Variants in ELAC2 observed in about 807,000 individuals in gnomAD.
ELAC2 encodes zinc phosphodiesterase ELAC protein 2.
ELAC2 carries 92 observed loss-of-function variants against 105.2 expected under a neutral mutation model. That is an observed-to-expected ratio of 0.87 (90% CI 0.74 to 1.04). ELAC2 has a LOEUF of 1.04. Among genes scored for constraint, ELAC2 ranks in the 50% least tolerant of loss-of-function variants. The pLI is 0.00. For synonymous variants in ELAC2, 468 were observed against 409.1 expected (o/e 1.14, Z -1.74); for missense variants, 1,099 against 1,071.7 (o/e 1.03, Z -0.36).
rs1240800604 is a variant in ELAC2, at chr17:12,995,064, T to C, written c.1809-2A>G. The C allele has an allele frequency of 2.5e-6, 4 of 1,613,934 alleles. No homozygotes were observed. Among genetic ancestry groups the C allele is most frequent in the Non-Finnish European group, 3.4e-6 (4 of 1,179,832 alleles). ...TGAAGGCATTTGGCAGGAATCATACTGTAAAAAGACAAAACATTTAAAATG... is the reference window on the plus strand; with the variant it reads ...TGAAGGCATTTGGCAGGAATCATACCGTAAAAAGACAAAACATTTAAAATG... On this transcript the variant is annotated splice_acceptor_variant, in intron 19 of 23. Coordinates refer to ENST00000338034, the MANE Select transcript of ELAC2 (RefSeq NM_018127.7). LOFTEE classifies it high-confidence loss of function.
rs73300506 is a variant in ELAC2 at position 13,010,114 on chromosome 17, C to T, written c.738+499G>A. 5.3e-3 allele frequency among the ~76,000 whole-genome samples: 812 copies of T among 151,840 alleles called. 7 individuals are homozygous for T. Among genetic ancestry groups the T allele is most frequent in the African/African-American group, 0.018 (757 of 41,410 alleles). ...AAACTCTGAAACCTACAAGTGATGA[C>T]AATTATGAAAGGTCAGTAGTAATAC... On this transcript the variant is annotated intron_variant, in intron 8 of 23. Coordinates refer to ENST00000338034, the MANE Select transcript of ELAC2 (RefSeq NM_018127.7).
chr17:13,017,223 A>G (rs1257771664), intron 1 of ELAC2, 102 bp from the exon 2 acceptor site: 8 of 1,203,928 alleles, frequency 6.6e-6, no homozygotes, highest in South Asian at 1.3e-5. Flanking sequence ...AAAAAAAAAG[A>G]AAAAAAAATT....
chr17:13,001,227 T>A (rs2040789899), intron 14 of ELAC2, among the ~76,000 whole-genome samples: 1 of 152,212 alleles, frequency 6.6e-6, no homozygotes, highest in African/African-American at 2.4e-5. Flanking sequence ...CGGGCACGGC[T>A]CACGCCTGTA....
At chr17:12,999,110 A>C (rs2040626137) in intron 15 of ELAC2, among the ~76,000 whole-genome samples, 1 of 152,256 alleles carries the variant, frequency 6.6e-6, no homozygotes. Context: ...ACTTCGCACC[A>C]GTGTGGGACC....
Position 12,992,654 on chromosome 17 carries a change from T to A in ELAC2, c.*164A>T. 1 of 767,266 alleles carries A rather than the reference T, an allele frequency of 1.3e-6. No homozygotes were observed. The highest frequency in any genetic ancestry group is 1.7e-5 in the South Asian group (1 of 58,820). The allele number at this position is 767,266 out of a possible 1,614,324, so 47.5% of individuals were successfully genotyped here. A position where few individuals can be genotyped will look rare whatever the true frequency, so the allele number is the denominator to read the frequency against. On this transcript the variant is annotated 3_prime_UTR_variant, in exon 24 of 24. Coordinates refer to ENST00000338034, the MANE Select transcript of ELAC2 (RefSeq NM_018127.7). ...GTCCTAAGAGGCATCTATAGACTAG[T>A]GCTTATGTGGGAGCCCAAGCCTCGG...
At chr17:12,996,224 C>T in intron 17 of ELAC2, 1 of 632,542 alleles carries the variant, frequency 1.6e-6, no homozygotes, top group Non-Finnish European at 2.8e-6. Flanking sequence ...CCCCAGGAGA[C>T]CAAGGTGAGG....
intron 1 of ELAC2, 82 bp downstream of exon 1, chr17:13,017,621 G>A: frequency 1.2e-6 from 2 of 1,601,366 alleles, no homozygotes; most frequent in Admixed American, 1.7e-5. Flanking sequence ...CAGGGAAGCC[G>A]AAGCCCTGGG....
intron 8 of ELAC2, among the ~76,000 whole-genome samples, chr17:13,009,990 C>CAAAAAAAAAAAAA (rs1157775345): frequency 1.3e-4 from 10 of 76,184 alleles, no homozygotes; most frequent in African/African-American, 4.3e-4. Flanking sequence ...GACATGGTCT[C>CAAAAAAAAAAAAA]AAAAAAAAAA....
Position 12,992,532 on chromosome 17 carries a change from T to C in ELAC2, c.*286A>G. On this transcript the variant is annotated 3_prime_UTR_variant, in exon 24 of 24. Transcript: ENST00000338034. ...ATTAGAGGAAAGGTGCCGCCGTCTGTTTCCAAGACTTCTTTAAAAACTGCC... is the reference window on the plus strand; with the variant it reads ...ATTAGAGGAAAGGTGCCGCCGTCTGCTTCCAAGACTTCTTTAAAAACTGCC... 7.9e-6 allele frequency: 4 copies of C among 507,020 alleles called. No individual in the cohort carries two copies. The highest frequency in any genetic ancestry group is 1.1e-5 in the Non-Finnish European group (3 of 279,274). 31.4% of individuals were successfully genotyped at this position (507,020 alleles called of 1,614,324 possible). A position where few individuals can be genotyped will look rare whatever the true frequency, so the allele number is the denominator to read the frequency against.
At chr17:13,013,581 T>C (rs1005164446) in intron 5 of ELAC2, among the ~76,000 whole-genome samples, 3 of 152,176 alleles carry the variant, frequency 2.0e-5, no homozygotes, top group African/African-American at 7.2e-5. Flanking sequence ...ACAAACAGAA[T>C]AGTGAAGCCA....
intron 12 of ELAC2, among the ~76,000 whole-genome samples, chr17:13,003,065 G>A (rs1005885163): frequency 2.0e-5 from 3 of 152,216 alleles, no homozygotes; most frequent in Non-Finnish European, 2.9e-5. Flanking sequence ...TCCCAGGGCT[G>A]CTGGCGACGA....
chr17:12,994,312 T>C (rs989490333), intron 22 of ELAC2, 113 bp downstream of exon 22: 4 of 1,248,136 alleles, frequency 3.2e-6, no homozygotes, highest in Non-Finnish European at 4.7e-6. Context: ...CCCATAGCCC[T>C]TGATAGGAAG....
Position 12,995,000 on chromosome 17 carries a change from A to C in ELAC2, c.1871T>G (p.Leu624Trp), listed in dbSNP as rs1217149676. The C allele has an allele frequency of 3.1e-6, 5 of 1,614,100 alleles. No individual in the cohort carries two copies. The highest frequency in any genetic ancestry group is 1.6e-4 in the Middle Eastern group (1 of 6,084). Reference sequence around the variant, plus strand: ...ACATGTTCGCAACAGCGAACTGATCAATCTTTCCACTGCAGGACTGGAGAT... The same window carrying C: ...ACATGTTCGCAACAGCGAACTGATCCATCTTTCCACTGCAGGACTGGAGAT... ...AEISSPAVER[L>W]ISSLLRTCDL... The change falls in exon 20 of 24, where the codon TTG (leucine) becomes TGG (tryptophan). Residue 624 changes from leucine (L) to tryptophan (W), a missense_variant. Transcript: ENST00000338034.
At chr17:13,009,583 A>C (rs1171349871) in intron 8 of ELAC2, among the ~76,000 whole-genome samples, 9 of 150,432 alleles carry the variant, frequency 6.0e-5, no homozygotes, top group Admixed American at 6.0e-4. Flanking sequence ...GGAATGAAAT[A>C]AAGTAAAACA....
intron 4 of ELAC2, 22 bp from the exon 5 acceptor site, chr17:13,014,518 A>G (rs377474522): frequency 2.8e-5 from 45 of 1,585,472 alleles, no homozygotes; most frequent in Middle Eastern, 1.7e-4. Context: ...CAAAGAAATG[A>G]GCAGTTATGG....
intron 3 of ELAC2, 95 bp downstream of exon 3, chr17:13,016,767 A>T: frequency 6.1e-6 from 7 of 1,146,336 alleles, no homozygotes; most frequent in East Asian, 2.5e-5. Context: ...AAAAAAAAAA[A>T]GTAGCTGCCC....
rs1394698609 is a variant in ELAC2, at chr17:13,017,795, G to C, written c.153C>G (p.Cys51Trp). 1.2e-6 allele frequency: 2 copies of C among 1,606,910 alleles called. No individual in the cohort carries two copies. Among genetic ancestry groups the C allele is most frequent in the African/African-American group, 1.3e-5 (1 of 74,874 alleles). The change falls in exon 1 of 24, where the codon TGC (cysteine) becomes TGG (tryptophan). Residue 51 changes from cysteine (C) to tryptophan (W), a missense_variant. Physicochemically the swap from Cys to Trp is radical, Grantham distance 215. Transcript: ENST00000338034. ...RTREKRGPSG[C>W]SGGPNTVYLQ... Reference sequence around the variant, plus strand: ...GGTACACGGTGTTTGGGCCGCCGGAGCACCCCGACGGTCCGCGCTTCTCTC... The same window carrying C: ...GGTACACGGTGTTTGGGCCGCCGGACCACCCCGACGGTCCGCGCTTCTCTC...
At chr17:13,001,568 T>G (rs2040814696) in intron 14 of ELAC2, among the ~76,000 whole-genome samples, 1 of 152,142 alleles carries the variant, frequency 6.6e-6, no homozygotes, top group South Asian at 2.1e-4. Context: ...GGCTGTTCAC[T>G]TTCCTGGTTG....
chr17:13,007,073 T>G (rs932636607), intron 8 of ELAC2, among the ~76,000 whole-genome samples: 1 of 150,024 alleles, frequency 6.7e-6, no homozygotes, highest in Non-Finnish European at 1.5e-5. Context: ...ATCGTGCCAC[T>G]GCACTCCAGC....
Sources: gnomAD v4.1 joint callset for allele counts (sites outside exome capture counted in the v4.1 genomes callset) on GRCh38, gnomAD v4.1.1 for gene constraint, MANE v1.5 for transcripts, NCBI Gene and HGNC (gene_info 2026-07-23, HGNC 2026-07-21) for gene names.